The following ZNRF1 variants were observed in gnomAD, a reference collection of about 807,000 sequenced individuals.
The protein encoded by ZNRF1 is E3 ubiquitin-protein ligase ZNRF1.
Under a neutral mutation model 18.4 loss-of-function variants are expected in ZNRF1, and 3 were observed. The ratio of observed to expected loss-of-function variants is 0.16; its 90% CI spans 0.07 to 0.42. ZNRF1 has a LOEUF of 0.42. Among genes scored for constraint, ZNRF1 ranks in the 10% least tolerant of loss-of-function variants. ZNRF1 has a pLI of 0.99. For synonymous variants in ZNRF1, 157 were observed against 144.2 expected (o/e 1.09, Z -0.64); for missense variants, 310 against 329.8 (o/e 0.94, Z 0.47).
At chr16:75,068,454 A>G (rs896123634) in intron 1 of ZNRF1, among the ~76,000 whole-genome samples, 156 of 152,214 alleles carry the variant, frequency 1.0e-3, no homozygotes, top group African/African-American at 3.6e-3. Flanking sequence ...GCTGTGGCCA[A>G]TCCCTTTCTC....
At chr16:75,003,957 AG>A (rs2034885756) in intron 1 of ZNRF1, among the ~76,000 whole-genome samples, 1 of 124,848 alleles carries the variant, frequency 8.0e-6, no homozygotes, top group South Asian at 2.3e-4. Context: ...CAATCGCCTC[AG>A]ATTTTTTTTT....
Position 75,059,240 on chromosome 16 carries a change from T to TTTC in ZNRF1, c.425-34330_425-34329insCTT. On this transcript the variant is annotated intron_variant, in intron 1 of 4. Coordinates refer to ENST00000335325, the MANE Select transcript of ZNRF1 (RefSeq NM_032268.5). ...TTCCTTCTTTCTTTCTTTTTTTTTTTTTTTCTTTTTTTTTTTTTTTTTGTG... is the reference window on the plus strand; with the variant it reads ...TTCCTTCTTTCTTTCTTTTTTTTTTTTTCTTTTCTTTTTTTTTTTTTTTTTGTG... Among the ~76,000 whole-genome samples the TTTC allele has an allele frequency of 1.1e-4, 12 of 111,760 alleles. 1 individual carries two copies. The highest frequency in any genetic ancestry group is 4.2e-3 in the Middle Eastern group (1 of 236). 73.3% of individuals were successfully genotyped at this position (111,760 alleles called of 152,430 possible).
rs2036361508 is a variant in ZNRF1, at chr16:75,109,872, C to T, written c.*2172C>T. The T allele has an allele frequency of 6.6e-6, 1 of 152,402 alleles. No individual in the cohort carries two copies. The highest frequency in any genetic ancestry group is 1.5e-5 in the Non-Finnish European group (1 of 68,146). The allele number at this position is 152,402 out of a possible 1,614,324, so 9.4% of individuals were successfully genotyped here. On this transcript the variant is annotated 3_prime_UTR_variant, in exon 5 of 5. Coordinates refer to ENST00000335325, the MANE Select transcript of ZNRF1 (RefSeq NM_032268.5). ...GGCACTGTTCTATTCACAGCACCTC[C>T]TGCTTCTGCCTGGCAACTGTGTCTC...
At chr16:75,041,856 C>T (rs2035452244) in intron 1 of ZNRF1, among the ~76,000 whole-genome samples, 1 of 151,530 alleles carries the variant, frequency 6.6e-6, no homozygotes, top group Non-Finnish European at 1.5e-5. Context: ...ATTAGCTGGG[C>T]ATGGTGGCAG....
chr16:75,035,615 A>G (rs948038507), intron 1 of ZNRF1, among the ~76,000 whole-genome samples: 6 of 152,202 alleles, frequency 3.9e-5, no homozygotes, highest in African/African-American at 9.7e-5. Flanking sequence ...CACTTGGAAG[A>G]GGGCCAAGTG....
intron 2 of ZNRF1, among the ~76,000 whole-genome samples, chr16:75,099,861 A>G (rs969303443): frequency 2.0e-5 from 3 of 152,324 alleles, no homozygotes; most frequent in Non-Finnish European, 4.4e-5. Flanking sequence ...ATAGGCAAGC[A>G]TCAGCTTCAG....
chr16:75,046,370 G>A (rs890804466), intron 1 of ZNRF1, among the ~76,000 whole-genome samples: 1 of 151,780 alleles, frequency 6.6e-6, no homozygotes, highest in African/African-American at 2.4e-5. Context: ...TCGTACCTCA[G>A]CCTCCCAAGT....
chr16:75,037,554 GTC>G (rs1304318582), intron 1 of ZNRF1, among the ~76,000 whole-genome samples: 1 of 152,036 alleles, frequency 6.6e-6, no homozygotes, highest in Non-Finnish European at 1.5e-5. Flanking sequence ...GACCACGCTG[GTC>G]TGGAACTCCT....
chr16:75,022,737 AT>A (rs2145338065), intron 1 of ZNRF1, among the ~76,000 whole-genome samples: 1 of 152,322 alleles, frequency 6.6e-6, no homozygotes, highest in African/African-American at 2.4e-5. Flanking sequence ...CATTTCCATC[AT>A]TGCAGAAAGT....
At chr16:75,061,292 C>A (rs1325199738) in intron 1 of ZNRF1, among the ~76,000 whole-genome samples, 1 of 152,124 alleles carries the variant, frequency 6.6e-6, no homozygotes, top group Non-Finnish European at 1.5e-5. Context: ...TCCCCACCTC[C>A]CCCCACACCC....
intron 1 of ZNRF1, among the ~76,000 whole-genome samples, chr16:75,053,057 T>C (rs1311691539): frequency 6.6e-6 from 1 of 152,168 alleles, no homozygotes; most frequent in Non-Finnish European, 1.5e-5. Flanking sequence ...CCTGAGCAAA[T>C]GGACTGAAAT....
At chr16:75,106,696 G>A (rs1374283293) in intron 4 of ZNRF1, 125 bp downstream of exon 4, 1 of 694,138 alleles carries the variant, frequency 1.4e-6, no homozygotes, top group Non-Finnish European at 2.5e-6. Context: ...GAGGGAAGGA[G>A]CACCTCATCA....
chr16:75,071,388 C>T (rs1283939970), intron 1 of ZNRF1, among the ~76,000 whole-genome samples: 1 of 152,154 alleles, frequency 6.6e-6, no homozygotes, highest in Admixed American at 6.5e-5. Flanking sequence ...CCGTACCTGG[C>T]CACAGGTACC....
chr16:75,061,167 T>TA (rs1188020725), intron 1 of ZNRF1, among the ~76,000 whole-genome samples: 1 of 152,176 alleles, frequency 6.6e-6, no homozygotes, highest in Non-Finnish European at 1.5e-5. Context: ...ACGAAACAAT[T>TA]ACACTCTTTA....
At chr16:75,007,466 G>A (rs1213557286) in intron 1 of ZNRF1, among the ~76,000 whole-genome samples, 2 of 152,164 alleles carry the variant, frequency 1.3e-5, no homozygotes, top group East Asian at 3.8e-4. Flanking sequence ...CCTCTGTTGG[G>A]AGAAAGGAGG....
At chr16:75,021,530 T>A (rs1341659380) in intron 1 of ZNRF1, among the ~76,000 whole-genome samples, 1 of 152,238 alleles carries the variant, frequency 6.6e-6, no homozygotes, top group African/African-American at 2.4e-5. Flanking sequence ...GAGAGTCTAT[T>A]GGTGCTAAAC....
rs996859226 is a variant in ZNRF1, at chr16:75,108,569, G to A, written c.*869G>A. 17 of 398,554 alleles carry A rather than the reference G, an allele frequency of 4.3e-5. No individual in the cohort carries two copies. The highest frequency in any genetic ancestry group is 7.5e-5 in the Non-Finnish European group (17 of 226,040). The allele number at this position is 398,554 out of a possible 1,614,324, so 24.7% of individuals were successfully genotyped here. ...ATGTTCACACGTGGCATCAGCCCAT[G>A]CAAGATAGGTTTCTGTATTTATATA... On this transcript the variant is annotated 3_prime_UTR_variant, in exon 5 of 5. Transcript: ENST00000335325.
chr16:75,020,528 GTCTTTTCTTT>G (rs141206916), intron 1 of ZNRF1, among the ~76,000 whole-genome samples: 26 of 151,330 alleles, frequency 1.7e-4, no homozygotes, highest in Middle Eastern at 3.4e-3. Flanking sequence ...CTCCTTTTCA[GTCTTTTCTTT>G]TCTTTTCTTT....
intron 1 of ZNRF1, among the ~76,000 whole-genome samples, chr16:75,033,162 T>C (rs751106798): frequency 1.5e-4 from 23 of 152,142 alleles, no homozygotes; most frequent in Non-Finnish European, 2.9e-4. Context: ...AATCAAATAT[T>C]ATTATTTGAT....
Sources: gnomAD v4.1 joint callset for allele counts (sites outside exome capture counted in the v4.1 genomes callset) on GRCh38, gnomAD v4.1.1 for gene constraint, MANE v1.5 for transcripts, NCBI Gene and HGNC (gene_info 2026-07-23, HGNC 2026-07-21) for gene names.